CSMD1: variants seen among roughly 807,000 people sequenced by gnomAD.
CSMD1 encodes the protein CUB and Sushi multiple domains 1.
In CSMD1, 213 loss-of-function variants were observed where a neutral mutation model predicts 417.5. The ratio of observed to expected loss-of-function variants is 0.51; its 90% CI spans 0.46 to 0.57. The LOEUF (loss-of-function observed/expected upper bound fraction) is 0.57. Among genes scored for constraint, CSMD1 ranks in the 20% least tolerant of loss-of-function variants. The probability of loss-of-function intolerance (pLI) is 0.00; values close to 1 mark genes in which losing one functional copy is unlikely to be tolerated. For synonymous variants in CSMD1, 2,862 were observed against 1,736.8 expected (o/e 1.65, Z -16.11); for missense variants, 6,923 against 4,529.7 (o/e 1.53, Z -15.17).
At chr8:3,385,220 T>C (rs1015747100) in intron 18 of CSMD1, among the ~76,000 whole-genome samples, 5 of 147,074 alleles carry the variant, frequency 3.4e-5, no homozygotes, top group Admixed American at 2.1e-4. Flanking sequence ...ATCATATACA[T>C]ATACATGCAT....
At chr8:4,729,130 C>T (rs1266631625) in intron 1 of CSMD1, among the ~76,000 whole-genome samples, 1 of 151,878 alleles carries the variant, frequency 6.6e-6, no homozygotes, top group African/African-American at 2.4e-5. Context: ...AGGAGGAAGA[C>T]TAAACAAAGA....
At chr8:4,673,890 T>C (rs901676818) in intron 1 of CSMD1, among the ~76,000 whole-genome samples, 2 of 151,962 alleles carry the variant, frequency 1.3e-5, no homozygotes, top group Non-Finnish European at 1.5e-5. Context: ...ATGGTAATGA[T>C]TGCTGAAAGA....
intron 3 of CSMD1, among the ~76,000 whole-genome samples, chr8:4,047,094 G>A (rs539570449): frequency 2.0e-5 from 3 of 152,268 alleles, no homozygotes; most frequent in Non-Finnish European, 4.4e-5. Flanking sequence ...GGTCTCTATG[G>A]CATTGAAGCT....
chr8:3,391,953 C>T (rs191869268), intron 17 of CSMD1, among the ~76,000 whole-genome samples: 13 of 152,200 alleles, frequency 8.5e-5, no homozygotes, highest in Admixed American at 6.5e-4. Flanking sequence ...ATAAATCATT[C>T]TTGGGTCATG....
chr8:3,959,595 T>G (rs1429083120), intron 5 of CSMD1, among the ~76,000 whole-genome samples: 1 of 152,218 alleles, frequency 6.6e-6, no homozygotes, highest in Non-Finnish European at 1.5e-5. Context: ...AAAAATAATT[T>G]GACCAAATGC....
Position 3,724,147 on chromosome 8 carries a change from C to T in CSMD1, c.932-15656G>A, listed in dbSNP as rs1240130601. On this transcript the variant is annotated intron_variant, in intron 6 of 69. Coordinates refer to ENST00000635120, the MANE Select transcript of CSMD1 (RefSeq NM_033225.6). ...AACCAGCCTCTTTCACCATGCCAGA[C>T]GTTAAAAAGTTTTGCAAAAATAGAA... 2.1e-4 allele frequency among the ~76,000 whole-genome samples: 11 copies of T among 51,650 alleles called. 4 individuals are homozygous for T. Among genetic ancestry groups the T allele is most frequent in the Non-Finnish European group, 6.0e-4 (6 of 9,960 alleles). 33.9% of individuals were successfully genotyped at this position (51,650 alleles called of 152,430 possible).
At chr8:4,575,611 T>C (rs769330928) in intron 2 of CSMD1, among the ~76,000 whole-genome samples, 1 of 152,206 alleles carries the variant, frequency 6.6e-6, no homozygotes, top group South Asian at 2.1e-4. Context: ...ATGGTAGACA[T>C]GTGGCTCAGT....
chr8:3,590,138 GACAAT>G (rs1343196154), intron 8 of CSMD1, among the ~76,000 whole-genome samples: 2 of 151,926 alleles, frequency 1.3e-5, no homozygotes, highest in African/African-American at 4.8e-5. Context: ...AAGAAAAAAG[GACAAT>G]ACAAAATTGT....
chr8:3,647,970 G>C (rs561835121), intron 7 of CSMD1, among the ~76,000 whole-genome samples: 1 of 152,332 alleles, frequency 6.6e-6, no homozygotes, highest in South Asian at 2.1e-4. Flanking sequence ...GATGCTTGCT[G>C]TAAACAGCAG....
intron 2 of CSMD1, among the ~76,000 whole-genome samples, chr8:4,500,211 G>A (rs1042673217): frequency 6.6e-6 from 1 of 152,162 alleles, no homozygotes; most frequent in African/African-American, 2.4e-5. Context: ...GAACTCCAGG[G>A]AGAGGTTGGC....
At chr8:3,896,337 C>G (rs887654565) in intron 5 of CSMD1, among the ~76,000 whole-genome samples, 2 of 152,168 alleles carry the variant, frequency 1.3e-5, no homozygotes, top group African/African-American at 4.8e-5. Context: ...CATATACTCA[C>G]TTTGCTGAAT....
At chr8:4,671,139 C>G (rs1805298783) in intron 1 of CSMD1, among the ~76,000 whole-genome samples, 2 of 152,182 alleles carry the variant, frequency 1.3e-5, no homozygotes, top group Non-Finnish European at 2.9e-5. Flanking sequence ...ATTCTCTCTT[C>G]AAATCCTGCG....
intron 2 of CSMD1, among the ~76,000 whole-genome samples, chr8:4,468,503 T>C (rs1485469719): frequency 2.0e-5 from 3 of 152,174 alleles, no homozygotes; most frequent in Non-Finnish European, 4.4e-5. Context: ...CCTCTGAACA[T>C]GTACTTTTCT....
chr8:4,903,456 A>G (rs1421280399), intron 1 of CSMD1, among the ~76,000 whole-genome samples: 6 of 152,142 alleles, frequency 3.9e-5, no homozygotes, highest in African/African-American at 1.4e-4. Context: ...GTGCTAAGGC[A>G]TACACCAATT....
chr8:2,999,562 G>C (rs1290135534), intron 53 of CSMD1, among the ~76,000 whole-genome samples: 3 of 152,158 alleles, frequency 2.0e-5, no homozygotes, highest in Non-Finnish European at 4.4e-5. Flanking sequence ...GAGTGCCGCT[G>C]TTTCTAGGAC....
intron 41 of CSMD1, among the ~76,000 whole-genome samples, chr8:3,135,661 A>G (rs1027214189): frequency 3.3e-4 from 50 of 150,212 alleles, no homozygotes; most frequent in Non-Finnish European, 6.0e-4. Flanking sequence ...GACTCTGTGA[A>G]CCGGCTTCTT....
intron 5 of CSMD1, among the ~76,000 whole-genome samples, chr8:3,784,867 T>C (rs1257954278): frequency 1.3e-5 from 2 of 152,228 alleles, no homozygotes; most frequent in African/African-American, 4.8e-5. Flanking sequence ...ACAATACTGA[T>C]GTTAACATTT....
At chr8:4,017,291 T>C (rs565887626) in intron 4 of CSMD1, among the ~76,000 whole-genome samples, 5 of 152,270 alleles carry the variant, frequency 3.3e-5, no homozygotes, top group East Asian at 1.9e-4. Context: ...TAATATCAAA[T>C]GCCACATAAT....
intron 5 of CSMD1, among the ~76,000 whole-genome samples, chr8:3,820,653 G>A (rs892831744): frequency 6.6e-6 from 1 of 152,228 alleles, no homozygotes; most frequent in Middle Eastern, 3.2e-3. Context: ...TCGGCTCAGT[G>A]CAAACTCTGC....
Sources: gnomAD v4.1 joint callset for allele counts (sites outside exome capture counted in the v4.1 genomes callset) on GRCh38, gnomAD v4.1.1 for gene constraint, MANE v1.5 for transcripts, NCBI Gene and HGNC (gene_info 2026-07-23, HGNC 2026-07-21) for gene names.